The following FTCD variants were observed in gnomAD, a reference collection of about 807,000 sequenced individuals.
The protein encoded by FTCD is formimidoyltransferase cyclodeaminase, also known as formimidoyltransferase-cyclodeaminase.
In FTCD, 76 loss-of-function variants were observed where a neutral mutation model predicts 62.9. The ratio of observed to expected loss-of-function variants is 1.21; its 90% CI spans 1.00 to 1.46. The LOEUF (loss-of-function observed/expected upper bound fraction) is 1.46. Ranked by LOEUF, FTCD falls within the 40% of genes most tolerant of loss-of-function variation. The probability of loss-of-function intolerance (pLI) is 0.00; values close to 1 mark genes in which losing one functional copy is unlikely to be tolerated. For missense variants in FTCD, 845 were observed against 751.3 expected (o/e 1.12, Z -1.46); for synonymous variants, 397 against 336.9 (o/e 1.18, Z -1.95).
In FTCD at chr21:46,137,201, C is replaced by A. The variant is rs748469242; in HGVS notation, c.1539+38G>T. On this transcript the variant is annotated intron_variant, in intron 13 of 13. Coordinates refer to ENST00000397746, the MANE Select transcript of FTCD (RefSeq NM_206965.2). ...CCCTGAGGCTGTGAATCCAGGCCCC[C>A]ACGTGGGGTCCGGGCACCACACCTG... The A allele has an allele frequency of 7.6e-6, 12 of 1,580,632 alleles. No individual in the cohort carries two copies. In the East Asian group the frequency reaches 2.5e-4, roughly 32 times the overall value.
chr21:46,137,736 G>A (rs1178139780), intron 12 of FTCD, among the ~76,000 whole-genome samples: 1 of 152,134 alleles, frequency 6.6e-6, no homozygotes. Flanking sequence ...GCTGAAAAGA[G>A]GCGTCTTTCC....
chr21:46,155,455 C>T lies in FTCD; in HGVS notation c.54+15G>A, dbSNP rs567943816. ...CCATCAGCCCTAGATGCTTGACCAG[C>T]TCCTCGGGCCTCACCTCCTGGTTCT... On this transcript the variant is annotated intron_variant, in intron 1 of 13. Coordinates refer to ENST00000397746, the MANE Select transcript of FTCD (RefSeq NM_206965.2). 2.5e-6 allele frequency: 4 copies of T among 1,608,936 alleles called. No homozygotes were observed. The highest frequency in any genetic ancestry group is 3.4e-6 in the Non-Finnish European group (4 of 1,176,212).
intron 7 of FTCD, among the ~76,000 whole-genome samples, chr21:46,148,560 A>C (rs2079200498): frequency 6.6e-6 from 1 of 152,242 alleles, no homozygotes. Context: ...TTGGGGCTGC[A>C]GTGAGCTGTG....
At chr21:46,136,317 G>A (rs1028197259), downstream of FTCD, 4 of 817,302 alleles carry the variant, frequency 4.9e-6, no homozygotes, top group Middle Eastern at 2.3e-4. Flanking sequence ...GAGGCTGGCT[G>A]GGCAGGGAGC....
At chr21:46,138,960 G>T in intron 10 of FTCD, 37 bp from the exon 11 acceptor site, 1 of 1,556,510 alleles carries the variant, frequency 6.4e-7, no homozygotes, top group Non-Finnish European at 8.9e-7. Context: ...GCGAGGGACC[G>T]TAGGGGGAGC....
Position 46,154,132 on chromosome 21 carries a change from GA to G in FTCD, c.238+16del. On this transcript the variant is annotated intron_variant, in intron 2 of 13. Coordinates refer to ENST00000397746, the MANE Select transcript of FTCD (RefSeq NM_206965.2). ...ATTCTGAGACACGGCAGCCACAGGA[GA>G]GCCCAGAGACCTCACCTTGGTGCCT... is the stretch of plus-strand genomic sequence containing the variant. The G allele has an allele frequency of 6.2e-7, 1 of 1,612,090 alleles. No homozygotes were observed.
chr21:46,145,783 A>AGCGCCGTTCCCCCTCCCCGCCCTCCCCCC, intron 9 of FTCD, 35 bp downstream of exon 9: 1 of 346,460 alleles, frequency 2.9e-6, no homozygotes, highest in Admixed American at 6.8e-5. Context: ...TCCCCCCAAC[A>AGCGCCGTTCCCCCTCCCCGCCCTCCCCCC]ACTGCGCCTC....
At chr21:46,139,102 C>A in intron 10 of FTCD, 179 bp from the exon 11 acceptor site, 1 of 650,824 alleles carries the variant, frequency 1.5e-6, no homozygotes, top group South Asian at 1.7e-5. Context: ...GGTGGAGGAG[C>A]AGGGTAGGGG....
chr21:46,142,396 GGCC>G (rs1232693395), intron 10 of FTCD: 1 of 151,410 alleles, frequency 6.6e-6, no homozygotes, highest in African/African-American at 2.4e-5. Context: ...CTCCCCGTGA[GGCC>G]GCCGACCTTC....
chr21:46,136,610 G>GC (rs561171111), downstream of FTCD: 25 of 1,514,142 alleles, frequency 1.7e-5, no homozygotes, highest in Non-Finnish European at 1.9e-5. Flanking sequence ...ACTGTGGGCT[G>GC]CACTGGGTGT....
At chr21:46,148,304 A>G (rs983839303) in intron 7 of FTCD, among the ~76,000 whole-genome samples, 8 of 152,224 alleles carry the variant, frequency 5.3e-5, no homozygotes, top group Non-Finnish European at 8.8e-5. Flanking sequence ...AGGAGGACAC[A>G]ATACCATCTA....
At chr21:46,140,627 C>T (rs2078980363) in intron 10 of FTCD, among the ~76,000 whole-genome samples, 1 of 113,130 alleles carries the variant, frequency 8.8e-6, no homozygotes, top group African/African-American at 3.2e-5. Context: ...TCCACCTTCA[C>T]GTGGCTCACA....
chr21:46,139,820 T>C (rs970704618), intron 10 of FTCD, among the ~76,000 whole-genome samples: 3 of 152,148 alleles, frequency 2.0e-5, no homozygotes, highest in Admixed American at 6.5e-5. Context: ...TCTGTAGCAG[T>C]TGCAGGCGGA....
At chr21:46,154,745 C>G (rs1292289015) in intron 1 of FTCD, among the ~76,000 whole-genome samples, 1 of 152,246 alleles carries the variant, frequency 6.6e-6, no homozygotes, top group Admixed American at 6.5e-5. Context: ...GGGCCTAGAA[C>G]CTTCCGGGTG....
rs1048034100 is a variant in FTCD, at chr21:46,152,750, C to A, written c.367+157G>T. On this transcript the variant is annotated intron_variant, in intron 3 of 13. Coordinates refer to ENST00000397746, the MANE Select transcript of FTCD (RefSeq NM_206965.2). ...GCCGCAGGCGAGGCTGCGTTTATTT[C>A]GGTATTGAGGGAGCTGCGCTTCTGC... The A allele has an allele frequency of 6.3e-6, 4 of 629,974 alleles. No individual in the cohort carries two copies. In the Admixed American group the frequency reaches 1.3e-4, roughly 20 times the overall value. 39.0% of individuals were successfully genotyped at this position (629,974 alleles called of 1,614,324 possible). A position where few individuals can be genotyped will look rare whatever the true frequency, so the allele number is the denominator to read the frequency against.
chr21:46,136,977 T>TC lies in FTCD; in HGVS notation c.*9dup, dbSNP rs761051830. On this transcript the variant is annotated 3_prime_UTR_variant, in exon 14 of 14. Transcript: ENST00000397746. ...AGGGGCCACAGAGCCCGGAGAGGCC[T>TC]CCCGCACCGTCACTCCTGCCGGGTC... 2.5e-6 allele frequency: 4 copies of TC among 1,613,006 alleles called. No homozygotes were observed. The Admixed American group carries it at 5.0e-5, about 20-fold the overall frequency.
At chr21:46,146,441 G>A in intron 7 of FTCD, 114 bp from the exon 8 acceptor site, 1 of 761,392 alleles carries the variant, frequency 1.3e-6, no homozygotes, top group Admixed American at 2.0e-5. Flanking sequence ...GAGCACACAG[G>A]TGCTTTTGCG....
chr21:46,142,566 G>C (rs1163865388), intron 10 of FTCD: 5 of 152,292 alleles, frequency 3.3e-5, no homozygotes, highest in Admixed American at 1.3e-4. Flanking sequence ...GCTGACTTGA[G>C]GAGTGAAGCT....
At chr21:46,155,449 G>A (rs779557442) in intron 1 of FTCD, 21 bp downstream of exon 1, 17 of 1,604,880 alleles carry the variant, frequency 1.1e-5, no homozygotes, top group Non-Finnish European at 6.0e-6. Context: ...CTAGATGCTT[G>A]ACCAGCTCCT....
Sources: gnomAD v4.1 joint callset for allele counts (sites outside exome capture counted in the v4.1 genomes callset) on GRCh38, gnomAD v4.1.1 for gene constraint, MANE v1.5 for transcripts, NCBI Gene and HGNC (gene_info 2026-07-23, HGNC 2026-07-21) for gene names.